DNMT3A: variants seen among roughly 807,000 people sequenced by gnomAD.
DNMT3A encodes DNA methyltransferase 3 alpha.
In DNMT3A, 267 loss-of-function variants were observed where a neutral mutation model predicts 117.6. The observed-to-expected ratio is 2.27, with a 90% CI of 2.05 to 2.51. The LOEUF (loss-of-function observed/expected upper bound fraction) is 2.51. Ranked by LOEUF, DNMT3A falls within the 30% of genes most tolerant of loss-of-function variation. The pLI, the probability that DNMT3A is intolerant of heterozygous loss-of-function variation, is 0.00. For missense variants in DNMT3A, 1,029 were observed against 1,260.2 expected, an observed-to-expected ratio of 0.82 and a Z score of 2.78; for synonymous variants, 432 against 474.8, an observed-to-expected ratio of 0.91 and a Z score of 1.17.
At chr2:25,251,554 C>A (rs1454043953) in intron 6 of DNMT3A, among the ~76,000 whole-genome samples, 1 of 152,196 alleles carries the variant, frequency 6.6e-6, no homozygotes, top group Admixed American at 6.5e-5. Context: ...CCTCCCCCTG[C>A]GACTGCAGCG....
At chr2:25,269,049 C>T (rs948110388) in intron 6 of DNMT3A, among the ~76,000 whole-genome samples, 3 of 152,240 alleles carry the variant, frequency 2.0e-5, no homozygotes, top group Non-Finnish European at 4.4e-5. Context: ...AGTCTGAGTG[C>T]AGTGGCTCAT....
intron 16 of DNMT3A, 111 bp from the exon 17 acceptor site, chr2:25,241,818 A>AAAGCTGTAG: frequency 1.4e-6 from 2 of 1,399,214 alleles, no homozygotes; most frequent in Non-Finnish European, 1.9e-6. Context: ...TGTAGGCCCA[A>AAAGCTGTAG]GTCCTATCTT....
At position 25,228,973 on chromosome 2, in the gene DNMT3A, G is replaced by A. The variant is rs1672773225; in HGVS notation, c.*5306C>T. On this transcript the variant is annotated 3_prime_UTR_variant, in exon 23 of 23. Transcript: ENST00000321117. ...GTTACGGGAGTTTCGGGAGTCCCAGGCCCTCTGGTGGGGGAAGTGAGTAAG... is the reference window on the plus strand; with the variant it reads ...GTTACGGGAGTTTCGGGAGTCCCAGACCCTCTGGTGGGGGAAGTGAGTAAG... 6.6e-6 allele frequency: 1 copy of A among 152,200 alleles called. No individual in the cohort carries two copies. Among genetic ancestry groups the A allele is most frequent in the Admixed American group, 6.5e-5 (1 of 15,284 alleles). 9.4% of individuals were successfully genotyped at this position (152,200 alleles called of 1,614,324 possible).
chr2:25,246,387 G>C (rs1674773791), intron 10 of DNMT3A, 78 bp from the exon 11 acceptor site: 3 of 1,523,214 alleles, frequency 2.0e-6, no homozygotes, highest in East Asian at 4.5e-5. Flanking sequence ...CCTCCTTACA[G>C]TGGGGTGCGG....
At chr2:25,255,395 T>C (rs1432013716) in intron 6 of DNMT3A, among the ~76,000 whole-genome samples, 1 of 152,202 alleles carries the variant, frequency 6.6e-6, no homozygotes, top group African/African-American at 2.4e-5. Context: ...ATAAGCCATG[T>C]TCTTGGATTT....
intron 2 of DNMT3A, among the ~76,000 whole-genome samples, chr2:25,300,729 A>C (rs1466995109): frequency 3.3e-5 from 1 of 29,980 alleles, no homozygotes; most frequent in Non-Finnish European, 5.9e-5. Context: ...ATATATATAT[A>C]TATATATATA....
At chr2:25,245,879 CAG>C in intron 12 of DNMT3A, 139 bp downstream of exon 12, 1 of 1,096,828 alleles carries the variant, frequency 9.1e-7, no homozygotes, top group African/African-American at 1.5e-5. Flanking sequence ...GAAAGACAGA[CAG>C]TGCACGAAGC....
In DNMT3A at chr2:25,257,262, A is replaced by C. The variant is rs1297922855; in HGVS notation, c.640-9010T>G. Among the ~76,000 whole-genome samples the C allele has an allele frequency of 6.6e-6, 1 of 152,198 alleles. No homozygotes were observed. Among genetic ancestry groups the C allele is most frequent in the African/African-American group, 2.4e-5 (1 of 41,446 alleles). On this transcript the variant is annotated intron_variant, in intron 6 of 22. Coordinates refer to ENST00000321117, the MANE Select transcript of DNMT3A (RefSeq NM_022552.5). The surrounding 1 kb of genome is among the most constrained non-coding windows in gnomAD (Gnocchi z 4.8). ...GGGAAGGTGTCAGATGTGCACCCGG[A>C]GAGCAGAGGGGTCCAAAGGCTCGCA... is the stretch of plus-strand genomic sequence containing the variant.
chr2:25,275,074 C>T lies in DNMT3A; in HGVS notation c.506G>A (p.Arg169Gln), dbSNP rs2149365802. The T allele has an allele frequency of 6.3e-7, 1 of 1,589,584 alleles. No homozygotes were observed. The highest frequency in any genetic ancestry group is 8.6e-7 in the Non-Finnish European group (1 of 1,168,260). Residue 169 changes from arginine to glutamine, a missense_variant, in exon 6 of 23, where the codon CGG becomes CAG. Physicochemically the swap from Arg to Gln is conservative, Grantham distance 43 (BLOSUM62 1). Coordinates refer to ENST00000321117, the MANE Select transcript of DNMT3A (RefSeq NM_022552.5). ...CTCCCAGCCCAAGCCACCCCGCAGC[C>T]GGCCCCGGGAGCCCTAGGACAGAGA... is the stretch of plus-strand genomic sequence containing the variant. ...ESMKMEGSRG[R>Q]LRGGLGWESS...
intron 3 of DNMT3A, among the ~76,000 whole-genome samples, chr2:25,283,243 T>A (rs911541310): frequency 6.6e-6 from 1 of 150,712 alleles, no homozygotes; most frequent in East Asian, 2.0e-4. Flanking sequence ...ATGCCCGTAA[T>A]CCCAGGTACT....
intron 3 of DNMT3A, among the ~76,000 whole-genome samples, chr2:25,288,677 T>C (rs2032511145): frequency 6.6e-6 from 1 of 152,232 alleles, no homozygotes; most frequent in Admixed American, 6.5e-5. Flanking sequence ...ATTTTAACCA[T>C]TTTCAAGCAT....
In DNMT3A at chr2:25,257,210, C is replaced by A. The variant is rs547690866; in HGVS notation, c.640-8958G>T. Reference sequence around the variant, plus strand: ...TAGCAGGACTTGTTGCTAAGGAGACCAGTCGCAGAGAGAGCAACTAAGCAG... The same window carrying A: ...TAGCAGGACTTGTTGCTAAGGAGACAAGTCGCAGAGAGAGCAACTAAGCAG... On this transcript the variant is annotated intron_variant, in intron 6 of 22. Coordinates refer to ENST00000321117, the MANE Select transcript of DNMT3A (RefSeq NM_022552.5). This position sits in a 1 kb window ranked among gnomAD's most constrained non-coding sequence, Gnocchi z 4.8. 6.6e-6 allele frequency among the ~76,000 whole-genome samples: 1 copy of A among 152,274 alleles called. No individual in the cohort carries two copies. Among genetic ancestry groups the A allele is most frequent in the South Asian group, 2.1e-4 (1 of 4,824 alleles).
At chr2:25,248,646 C>G (rs1322797845) in intron 6 of DNMT3A, among the ~76,000 whole-genome samples, 1 of 152,068 alleles carries the variant, frequency 6.6e-6, no homozygotes, top group Non-Finnish European at 1.5e-5. Context: ...CTCCCAGGTT[C>G]AAGCGATTCG....
chr2:25,238,743 G>T (rs560798840), intron 20 of DNMT3A, among the ~76,000 whole-genome samples: 1 of 152,278 alleles, frequency 6.6e-6, no homozygotes, highest in Admixed American at 6.5e-5. Context: ...CCTGGAACAG[G>T]CTGTGGCCAC....
Position 25,298,717 on chromosome 2 carries a change from C to T in DNMT3A, c.177+1422G>A, listed in dbSNP as rs1295802098. Among the ~76,000 whole-genome samples the T allele has an allele frequency of 2.0e-5, 3 of 152,118 alleles. No homozygotes were observed. Among genetic ancestry groups the T allele is most frequent in the East Asian group, 1.9e-4 (1 of 5,200 alleles). ...AGCCAGAAAGTCCTCTCTGAAGCCC[C>T]GTGTTATTTTTCAACATCACGTGAA... On this transcript the variant is annotated intron_variant, in intron 3 of 22. Coordinates refer to ENST00000321117, the MANE Select transcript of DNMT3A (RefSeq NM_022552.5). This position sits in a 1 kb window ranked among gnomAD's most constrained non-coding sequence, Gnocchi z 4.3.
chr2:25,335,282 C>T (rs879738295), intron 1 of DNMT3A, among the ~76,000 whole-genome samples: 1 of 152,222 alleles, frequency 6.6e-6, no homozygotes, highest in Non-Finnish European at 1.5e-5. Context: ...GGAACCTATA[C>T]AAGTAATCGT....
chr2:25,257,761 G>A lies in DNMT3A; in HGVS notation c.640-9509C>T, dbSNP rs762071309. Among the ~76,000 whole-genome samples the A allele has an allele frequency of 1.3e-5, 2 of 152,204 alleles. No homozygotes were observed. The highest frequency in any genetic ancestry group is 1.3e-4 in the Admixed American group (2 of 15,288). On this transcript the variant is annotated intron_variant, in intron 6 of 22. Transcript: ENST00000321117. This position sits in a 1 kb window ranked among gnomAD's most constrained non-coding sequence, Gnocchi z 4.8. Reference sequence around the variant, plus strand: ...ATACAGATTCTTGGGGTCTACCTACGTAGATCAGCGGGCTTAAGGTGGGGC... The same window carrying A: ...ATACAGATTCTTGGGGTCTACCTACATAGATCAGCGGGCTTAAGGTGGGGC...
rs2035272384 is a variant in DNMT3A at position 25,337,924 on chromosome 2, G to A, written c.-178+3902C>T. 6.6e-6 allele frequency among the ~76,000 whole-genome samples: 1 copy of A among 152,234 alleles called. No individual in the cohort carries two copies. Among genetic ancestry groups the A allele is most frequent in the Non-Finnish European group, 1.5e-5 (1 of 68,036 alleles). On this transcript the variant is annotated intron_variant, in intron 1 of 22. Transcript: ENST00000321117. The surrounding 1 kb of genome is among the most constrained non-coding windows in gnomAD (Gnocchi z 5.0). ...CCAGCCTCAGGCCAGGTGGGCTTCT[G>A]ACGGGCTCTCTGCTCACATACTAAT...
intron 6 of DNMT3A, among the ~76,000 whole-genome samples, chr2:25,253,182 G>A (rs1407356128): frequency 6.6e-6 from 1 of 152,056 alleles, no homozygotes; most frequent in Non-Finnish European, 1.5e-5. Context: ...GCCATTTCAA[G>A]CTTCCTCCTC....
Sources: gnomAD v4.1 joint callset for allele counts (sites outside exome capture counted in the v4.1 genomes callset) on GRCh38, gnomAD v4.1.1 for gene constraint, Gnocchi (gnomAD v3.1) non-coding constraint, MANE v1.5 for transcripts, NCBI Gene and HGNC (gene_info 2026-07-23, HGNC 2026-07-21) for gene names.